DCDC2C: variants seen among roughly 807,000 people sequenced by gnomAD.
DCDC2C encodes doublecortin domain containing 2C.
In DCDC2C, 44 loss-of-function variants were observed where a neutral mutation model predicts 45.0. That is an observed-to-expected ratio of 0.98 (90% CI 0.77 to 1.26). The LOEUF (loss-of-function observed/expected upper bound fraction) is 1.26. DCDC2C is among the 50% of genes most tolerant of loss of function. DCDC2C has a pLI of 0.00. For synonymous variants in DCDC2C, 187 were observed against 178.8 expected, an observed-to-expected ratio of 1.05 and a Z score of -0.37; for missense variants, 447 against 468.9, an observed-to-expected ratio of 0.95 and a Z score of 0.43.
intron 8 of DCDC2C, among the ~76,000 whole-genome samples, chr2:3,777,572 G>A (rs1670379121): frequency 6.6e-6 from 1 of 152,172 alleles, no homozygotes; most frequent in African/African-American, 2.4e-5. Context: ...AAAATAATGT[G>A]TTTTTACAAA....
At chr2:3,828,871 G>C (rs892193411) in intron 10 of DCDC2C, among the ~76,000 whole-genome samples, 3 of 152,202 alleles carry the variant, frequency 2.0e-5, no homozygotes, top group Non-Finnish European at 4.4e-5. Flanking sequence ...AGTCCTTGAA[G>C]TTTAATTCAA....
At chr2:3,816,053 A>G (rs1671551625) in intron 10 of DCDC2C, among the ~76,000 whole-genome samples, 1 of 152,072 alleles carries the variant, frequency 6.6e-6, no homozygotes. Flanking sequence ...GGCTGCTTCT[A>G]GTGGGATTAT....
At position 3,830,889 on chromosome 2, in the gene DCDC2C, A is replaced by G. The variant is rs183190510; in HGVS notation, c.1066-16265A>G. Among the ~76,000 whole-genome samples the G allele has an allele frequency of 2.7e-4, 41 of 152,078 alleles. 1 individual carries two copies. The highest frequency in any genetic ancestry group is 1.7e-3 in the Admixed American group (26 of 15,286). ...TCTTTTCTGAGAATCTCAAATTTCT[A>G]TTTCTTTCTTTGTTGGCCGAACTCA... On this transcript the variant is annotated intron_variant, in intron 10 of 10. Transcript: ENST00000399143.
At chr2:3,736,379 G>T (rs771960610) in intron 3 of DCDC2C, among the ~76,000 whole-genome samples, 1 of 152,234 alleles carries the variant, frequency 6.6e-6, no homozygotes, top group Non-Finnish European at 1.5e-5. Context: ...TGACTCGGAG[G>T]AACGGAGCAG....
chr2:3,832,962 G>A (rs1314959071), intron 10 of DCDC2C, among the ~76,000 whole-genome samples: 1 of 152,184 alleles, frequency 6.6e-6, no homozygotes, highest in Non-Finnish European at 1.5e-5. Flanking sequence ...ATTCAACACG[G>A]GTCTCATTGG....
intron 2 of DCDC2C, among the ~76,000 whole-genome samples, chr2:3,717,826 G>C (rs542565611): frequency 6.6e-6 from 1 of 152,080 alleles, no homozygotes; most frequent in Admixed American, 6.6e-5. Flanking sequence ...CTCTTCATGC[G>C]CCTATCCTCA....
chr2:3,798,783 T>C (rs1340415377), intron 10 of DCDC2C, among the ~76,000 whole-genome samples: 1 of 152,204 alleles, frequency 6.6e-6, no homozygotes, highest in Non-Finnish European at 1.5e-5. Flanking sequence ...ACCCGACCTT[T>C]CTCTCTGGCT....
At chr2:3,794,405 T>C (rs1670901679) in intron 10 of DCDC2C, among the ~76,000 whole-genome samples, 1 of 152,234 alleles carries the variant, frequency 6.6e-6, no homozygotes, top group Admixed American at 6.5e-5. Flanking sequence ...AGGGTACATG[T>C]GCACAATGTG....
In DCDC2C at chr2:3,767,752, A is replaced by C; in HGVS notation, c.727-2A>C. 6.4e-7 allele frequency: 1 copy of C among 1,550,614 alleles called. No individual in the cohort carries two copies. The highest frequency in any genetic ancestry group is 8.7e-7 in the Non-Finnish European group (1 of 1,146,900). On this transcript the variant is annotated splice_acceptor_variant, in intron 6 of 10. Coordinates refer to ENST00000399143, the MANE Select transcript of DCDC2C (RefSeq NM_001287444.2). LOFTEE classifies it high-confidence loss of function. ...ACTTTCTCTTCTTCATTTGTCCTGT[A>C]GGTGGACTCCAAAGGAAAAGAACCT...
At chr2:3,845,229 C>T (rs1028073346) in intron 10 of DCDC2C, among the ~76,000 whole-genome samples, 3 of 152,138 alleles carry the variant, frequency 2.0e-5, no homozygotes, top group Non-Finnish European at 4.4e-5. Flanking sequence ...TAAGCAGAAC[C>T]GTGCTGGACA....
chr2:3,720,499 C>T (rs564684945), intron 2 of DCDC2C, among the ~76,000 whole-genome samples: 5 of 152,178 alleles, frequency 3.3e-5, no homozygotes, highest in Admixed American at 1.3e-4. Flanking sequence ...AGGAGGAGGT[C>T]GAAGGCAGAG....
Position 3,764,231 on chromosome 2 carries a change from A to G in DCDC2C, c.727-3523A>G, listed in dbSNP as rs892355224. On this transcript the variant is annotated intron_variant, in intron 6 of 10. Transcript: ENST00000399143. ...TAAACTGAGCAAAATTAAGAAAAGT[A>G]AGTGCAATACTAGGATTGGGTATGA... Among the ~76,000 whole-genome samples, 4 of 152,222 alleles carry G rather than the reference A, an allele frequency of 2.6e-5. No individual in the cohort carries two copies. In the South Asian group the frequency reaches 8.3e-4, roughly 32 times the overall value.
intron 6 of DCDC2C, among the ~76,000 whole-genome samples, chr2:3,759,866 T>C (rs1669830634): frequency 6.6e-6 from 1 of 152,266 alleles, no homozygotes; most frequent in African/African-American, 2.4e-5. Flanking sequence ...AACAGATGTC[T>C]GTGAAGTAGG....
intron 5 of DCDC2C, among the ~76,000 whole-genome samples, chr2:3,753,697 G>A (rs1398512997): frequency 6.6e-6 from 1 of 152,222 alleles, no homozygotes; most frequent in East Asian, 1.9e-4. Flanking sequence ...GGTACCAGAT[G>A]TGACAGTAAG....
rs1273148358 is a variant in DCDC2C at position 3,847,523 on chromosome 2, G to GAAGGTA, written c.*341_*346dup. 5.4e-6 allele frequency: 1 copy of GAAGGTA among 185,350 alleles called. No individual in the cohort carries two copies. Among genetic ancestry groups the GAAGGTA allele is most frequent in the African/African-American group, 2.3e-5 (1 of 42,908 alleles). The allele number at this position is 185,350 out of a possible 1,614,324, so 11.5% of individuals were successfully genotyped here. A position where few individuals can be genotyped will look rare whatever the true frequency, so the allele number is the denominator to read the frequency against. On this transcript the variant is annotated 3_prime_UTR_variant, in exon 11 of 11. Transcript: ENST00000399143. ...TATTTTTTTCCTGGAATGTGTACGGGAAGGTATCTCATTTATATGTAACTT... is the reference window on the plus strand; with the variant it reads ...TATTTTTTTCCTGGAATGTGTACGGGAAGGTAAAGGTATCTCATTTATATGTAACTT...
chr2:3,802,681 G>T (rs903194687), intron 10 of DCDC2C, among the ~76,000 whole-genome samples: 1 of 152,122 alleles, frequency 6.6e-6, no homozygotes, highest in Non-Finnish European at 1.5e-5. Flanking sequence ...TTCTAGAAGG[G>T]GCTGATCACC....
chr2:3,783,435 T>C (rs1003164340), intron 9 of DCDC2C, among the ~76,000 whole-genome samples: 1 of 152,148 alleles, frequency 6.6e-6, no homozygotes, highest in Non-Finnish European at 1.5e-5. Context: ...CCAGGGAGCA[T>C]CTCTTCCTCC....
At chr2:3,782,030 C>T (rs1258636755) in intron 9 of DCDC2C, among the ~76,000 whole-genome samples, 1 of 152,204 alleles carries the variant, frequency 6.6e-6, no homozygotes, top group African/African-American at 2.4e-5. Flanking sequence ...TAATCACGTT[C>T]TCCGTGTTGC....
intron 3 of DCDC2C, among the ~76,000 whole-genome samples, chr2:3,727,653 G>A (rs1396904136): frequency 6.6e-6 from 1 of 152,230 alleles, no homozygotes; most frequent in African/African-American, 2.4e-5. Context: ...GAGGCACTGG[G>A]GATAGTTGTG....
Sources: allele counts gnomAD v4.1 joint callset (sites outside exome capture counted in the v4.1 genomes callset), GRCh38; gene constraint gnomAD v4.1.1; transcripts MANE v1.5; gene names NCBI Gene and HGNC (gene_info 2026-07-23, HGNC 2026-07-21).